ASTN2: variants seen among roughly 807,000 people sequenced by gnomAD.
ASTN2 encodes astrotactin-2.
In ASTN2, 54 loss-of-function variants were observed where a neutral mutation model predicts 139.8. The ratio of observed to expected loss-of-function variants is 0.39; its 90% confidence interval spans 0.31 to 0.48. The LOEUF is 0.48. Among genes scored for constraint, ASTN2 ranks in the 20% least tolerant of loss-of-function variants. ASTN2 has a pLI of 0.95. For synonymous variants in ASTN2, 756 were observed against 719.5 expected (o/e 1.05, Z -0.81); for missense variants, 1,565 against 1,725.1 (o/e 0.91, Z 1.64).
At chr9:117,209,121 T>G (rs1402429719) in intron 3 of ASTN2, among the ~76,000 whole-genome samples, 1 of 151,762 alleles carries the variant, frequency 6.6e-6, no homozygotes, top group African/African-American at 2.4e-5. Context: ...ACTGCAAAAA[T>G]AATAAGAGAG....
chr9:116,749,835 C>T (rs142573399), intron 13 of ASTN2, among the ~76,000 whole-genome samples: 256 of 152,240 alleles, frequency 1.7e-3, no homozygotes, highest in Non-Finnish European at 3.2e-3. Context: ...GTGGCACCTC[C>T]CCTTCTCTCT....
chr9:116,849,094 C>T (rs1832519378), intron 11 of ASTN2, among the ~76,000 whole-genome samples: 2 of 152,166 alleles, frequency 1.3e-5, no homozygotes, highest in African/African-American at 2.4e-5. Context: ...GGAAAAGTTG[C>T]ACAGGGCAAA....
At chr9:117,096,995 T>C (rs1828856986) in intron 4 of ASTN2, among the ~76,000 whole-genome samples, 1 of 152,142 alleles carries the variant, frequency 6.6e-6, no homozygotes, top group Admixed American at 6.5e-5. Flanking sequence ...GCTTTACTTT[T>C]GGTTTCATGG....
At chr9:116,491,648 C>A (rs113320191) in intron 19 of ASTN2, among the ~76,000 whole-genome samples, 3 of 152,276 alleles carry the variant, frequency 2.0e-5, no homozygotes, top group African/African-American at 7.2e-5. Context: ...GGTTTAAATG[C>A]AATTTAGATG....
intron 10 of ASTN2, among the ~76,000 whole-genome samples, chr9:116,893,513 G>T (rs925141466): frequency 6.6e-6 from 1 of 152,112 alleles, no homozygotes; most frequent in Non-Finnish European, 1.5e-5. Flanking sequence ...ACAGGTCACT[G>T]ACTCTTCCAG....
intron 2 of ASTN2, among the ~76,000 whole-genome samples, chr9:117,230,786 T>G (rs947622436): frequency 6.6e-6 from 1 of 152,140 alleles, no homozygotes; most frequent in Non-Finnish European, 1.5e-5. Flanking sequence ...AGTGCATGCA[T>G]CATGGAAAGG....
At chr9:117,166,617 T>C (rs536705925) in intron 3 of ASTN2, among the ~76,000 whole-genome samples, 1 of 152,226 alleles carries the variant, frequency 6.6e-6, no homozygotes, top group Admixed American at 6.5e-5. Context: ...AAATACTTCC[T>C]ATTCCTCATC....
At chr9:116,728,517 G>A (rs1828693696) in intron 15 of ASTN2, among the ~76,000 whole-genome samples, 1 of 151,992 alleles carries the variant, frequency 6.6e-6, no homozygotes, top group Admixed American at 6.6e-5. Flanking sequence ...TAATGTGGGT[G>A]GTGCATGTAA....
At chr9:116,734,997 A>G (rs1168769033) in intron 13 of ASTN2, among the ~76,000 whole-genome samples, 2 of 152,204 alleles carry the variant, frequency 1.3e-5, no homozygotes, top group Non-Finnish European at 2.9e-5. Context: ...AATACTTTAC[A>G]TACATTTTAT....
chr9:117,279,225 C>T (rs1482882747), intron 2 of ASTN2, among the ~76,000 whole-genome samples: 2 of 152,024 alleles, frequency 1.3e-5, no homozygotes, highest in Non-Finnish European at 2.9e-5. Flanking sequence ...TCCATCCTTG[C>T]CCCCTATAAG....
At chr9:116,465,212 G>C (rs1848614535) in intron 20 of ASTN2, among the ~76,000 whole-genome samples, 1 of 152,184 alleles carries the variant, frequency 6.6e-6, no homozygotes, top group South Asian at 2.1e-4. Flanking sequence ...AGGTTTGATT[G>C]TTGCTTTGAA....
At chr9:116,503,718 ATACT>A (rs1162805203) in intron 19 of ASTN2, among the ~76,000 whole-genome samples, 4 of 152,136 alleles carry the variant, frequency 2.6e-5, no homozygotes, top group Non-Finnish European at 4.4e-5. Flanking sequence ...ACACACATAC[ATACT>A]TAATATATAT....
chr9:116,676,356 A>G (rs1363052908), intron 16 of ASTN2, among the ~76,000 whole-genome samples: 1 of 152,194 alleles, frequency 6.6e-6, no homozygotes, highest in Non-Finnish European at 1.5e-5. Flanking sequence ...ACTTTGTGCT[A>G]AGAATTTGTC....
chr9:117,221,549 C>T (rs1436012518), intron 2 of ASTN2, among the ~76,000 whole-genome samples: 1 of 152,198 alleles, frequency 6.6e-6, no homozygotes, highest in Admixed American at 6.5e-5. Flanking sequence ...ATTTATAATA[C>T]TCTGTTCTGC....
At chr9:117,148,743 T>A (rs1481839618) in intron 3 of ASTN2, among the ~76,000 whole-genome samples, 4 of 152,218 alleles carry the variant, frequency 2.6e-5, no homozygotes, top group Non-Finnish European at 4.4e-5. Context: ...TTATCTATAT[T>A]TTTTTAGATG....
intron 5 of ASTN2, among the ~76,000 whole-genome samples, chr9:117,045,821 G>A (rs1255042509): frequency 6.6e-6 from 1 of 152,136 alleles, no homozygotes; most frequent in Non-Finnish European, 1.5e-5. Flanking sequence ...GTCCTAGGCT[G>A]AGAAGTAATT....
At chr9:116,717,264 T>G (rs1359512369) in intron 16 of ASTN2, among the ~76,000 whole-genome samples, 1 of 150,852 alleles carries the variant, frequency 6.6e-6, no homozygotes, top group East Asian at 2.0e-4. Flanking sequence ...GGTGTTCCGT[T>G]CCAGATGGAC....
chr9:116,505,071 G>C (rs1372320734), intron 19 of ASTN2, among the ~76,000 whole-genome samples: 1 of 151,958 alleles, frequency 6.6e-6, no homozygotes, highest in Non-Finnish European at 1.5e-5. Context: ...GTAAAGGTCA[G>C]ACACACTTTC....
At chr9:116,755,130 T>C (rs1318660794) in intron 13 of ASTN2, among the ~76,000 whole-genome samples, 1 of 152,200 alleles carries the variant, frequency 6.6e-6, no homozygotes, top group Non-Finnish European at 1.5e-5. Flanking sequence ...AGCTATGGCC[T>C]AAGCTCCTTT....
Sources: allele counts gnomAD v4.1 joint callset (sites outside exome capture counted in the v4.1 genomes callset), GRCh38; gene constraint gnomAD v4.1.1; transcripts MANE v1.5; gene names NCBI Gene and HGNC (gene_info 2026-07-23, HGNC 2026-07-21).